Variants in PKDCC observed in about 807,000 individuals in gnomAD.
The protein encoded by PKDCC is protein kinase domain containing, cytoplasmic, also known as extracellular tyrosine-protein kinase PKDCC.
Under a neutral mutation model 44.7 loss-of-function variants are expected in PKDCC, and 35 were observed. The ratio of observed to expected loss-of-function variants is 0.78; its 90% confidence interval spans 0.60 to 1.04. The LOEUF (loss-of-function observed/expected upper bound fraction) is 1.04. PKDCC is among the 50% of genes least tolerant of loss of function. The probability of loss-of-function intolerance (pLI) is 0.00; values close to 1 mark genes in which losing one functional copy is unlikely to be tolerated. For synonymous variants in PKDCC, 353 were observed against 303.3 expected (o/e 1.16, Z -1.70); for missense variants, 738 against 672.7 (o/e 1.10, Z -1.07).
At chr2:42,056,900 C>T (rs80111183) in intron 5 of PKDCC, among the ~76,000 whole-genome samples, 2,532 of 152,340 alleles carry the variant, frequency 0.017, 32 homozygotes, top group Non-Finnish European at 0.025. Context: ...TTAGCCTAGA[C>T]AGCTGGGACT....
At position 42,048,431 on chromosome 2, in the gene PKDCC, G is replaced by C. The variant is rs1184795406; in HGVS notation, c.232G>C (p.Gly78Arg). ...CTATTCCCGCGGGGGCCCCGGGCCC[G>C]GGGCGGGCCGGCCGGAGCGGCGGCG... The part of the protein sequence containing the change: ...QRYSRGGPGP[G>R]AGRPERRRLM... Residue 78 changes from glycine (G) to arginine (R), a missense_variant, in exon 1 of 7, where the codon GGG becomes CGG. By Grantham distance (125) the Gly-to-Arg change is moderately radical (BLOSUM62 -2). Transcript: ENST00000294964. The surrounding 1 kb of genome is among the most constrained non-coding windows in gnomAD (Gnocchi z 6.2). The C allele has an allele frequency of 7.1e-6, 8 of 1,120,816 alleles. No individual in the cohort carries two copies. Among genetic ancestry groups the C allele is most frequent in the South Asian group, 3.8e-5 (1 of 26,138 alleles). The allele number at this position is 1,120,816 out of a possible 1,614,324, so 69.4% of individuals were successfully genotyped here.
At chr2:42,053,585 C>A (rs552799618) in intron 2 of PKDCC, 2 of 601,806 alleles carry the variant, frequency 3.3e-6, no homozygotes, top group South Asian at 4.5e-5. Flanking sequence ...TCCTTGTGCG[C>A]GTGTACACAC....
In PKDCC at chr2:42,053,238, G is replaced by T. The variant is rs760509862; in HGVS notation, c.640-1G>T. 1.5e-6 allele frequency: 2 copies of T among 1,347,802 alleles called. No homozygotes were observed. The highest frequency in any genetic ancestry group is 2.3e-5 in the South Asian group (2 of 85,442). The allele number at this position is 1,347,802 out of a possible 1,614,324, so 83.5% of individuals were successfully genotyped here. A position where few individuals can be genotyped will look rare whatever the true frequency, so the allele number is the denominator to read the frequency against. ...AATGACCTGCCCTCGGCTTTCCCCA[G>T]CTCTATGGCTACTGCTACCAGGACA... On this transcript the variant is annotated splice_acceptor_variant, in intron 1 of 6. Coordinates refer to ENST00000294964, the MANE Select transcript of PKDCC (RefSeq NM_138370.3). LOFTEE classifies it high-confidence loss of function.
chr2:42,049,687 CCCCCA>C (rs1427238291), intron 1 of PKDCC, among the ~76,000 whole-genome samples: 11 of 152,142 alleles, frequency 7.2e-5, no homozygotes, highest in African/African-American at 2.7e-4. Flanking sequence ...AGAGCTGAAA[CCCCCA>C]CCTTGTCCCC....
In PKDCC at chr2:42,057,597, C is replaced by T. The variant is rs1488418441; in HGVS notation, c.1397-6C>T. The T allele has an allele frequency of 4.3e-6, 7 of 1,613,208 alleles. No homozygotes were observed. Among genetic ancestry groups the T allele is most frequent in the Admixed American group, 3.3e-5 (2 of 59,936 alleles). ...AGCCCTGTTACCTCTCACCTCTGCC[C>T]CCCAGGTCGGCAGCTGGTCTTTTTC... On this transcript the variant is annotated splice_region_variant and splice_polypyrimidine_tract_variant and intron_variant, in intron 6 of 6. Transcript: ENST00000294964.
In PKDCC at chr2:42,055,284, A is replaced by C; in HGVS notation, c.1115-2A>C. Reference sequence around the variant, plus strand: ...CTGTCTTAGCCACACTGCACTCTGCAGGAGAGCTCGCCTGGGGGGTGGACG... The same window carrying C: ...CTGTCTTAGCCACACTGCACTCTGCCGGAGAGCTCGCCTGGGGGGTGGACG... On this transcript the variant is annotated splice_acceptor_variant, in intron 4 of 6. Transcript: ENST00000294964. LOFTEE classifies it high-confidence loss of function. This position sits in a 1 kb window ranked among gnomAD's most constrained non-coding sequence, Gnocchi z 4.5. The C allele has an allele frequency of 1.2e-6, 2 of 1,612,178 alleles. No individual in the cohort carries two copies. The highest frequency in any genetic ancestry group is 1.7e-6 in the Non-Finnish European group (2 of 1,179,598).
rs532952644 is a variant in PKDCC, at chr2:42,054,339, C to T, written c.1034+32C>T. Reference sequence around the variant, plus strand: ...TCCACCCCTGACTCGGGAACTCCATCGAAGGAGAATGGGCCAGGAGGGCAT... The same window carrying T: ...TCCACCCCTGACTCGGGAACTCCATTGAAGGAGAATGGGCCAGGAGGGCAT... On this transcript the variant is annotated intron_variant, in intron 3 of 6. Coordinates refer to ENST00000294964, the MANE Select transcript of PKDCC (RefSeq NM_138370.3). This position sits in a 1 kb window ranked among gnomAD's most constrained non-coding sequence, Gnocchi z 6.1. The T allele has an allele frequency of 3.2e-5, 51 of 1,571,124 alleles. No individual in the cohort carries two copies. Among genetic ancestry groups the T allele is most frequent in the Middle Eastern group, 1.9e-4 (1 of 5,284 alleles).
chr2:42,054,493 G>A lies in PKDCC; in HGVS notation c.1034+186G>A, dbSNP rs551716458. Reference sequence around the variant, plus strand: ...CTGATGGAGAGGCTAAAAATAGACAGCTCCAAGGAGAATCCGGGTTAGGGG... The same window carrying A: ...CTGATGGAGAGGCTAAAAATAGACAACTCCAAGGAGAATCCGGGTTAGGGG... On this transcript the variant is annotated intron_variant, in intron 3 of 6. Coordinates refer to ENST00000294964, the MANE Select transcript of PKDCC (RefSeq NM_138370.3). This position sits in a 1 kb window ranked among gnomAD's most constrained non-coding sequence, Gnocchi z 6.1. 4.3e-6 allele frequency: 3 copies of A among 699,068 alleles called. No individual in the cohort carries two copies. The South Asian group carries it at 6.1e-5, about 14-fold the overall frequency. The allele number at this position is 699,068 out of a possible 1,614,324, so 43.3% of individuals were successfully genotyped here.
At position 42,051,722 on chromosome 2, in the gene PKDCC, G is replaced by C. The variant is rs1342317718; in HGVS notation, c.640-1517G>C. On this transcript the variant is annotated intron_variant, in intron 1 of 6. Coordinates refer to ENST00000294964, the MANE Select transcript of PKDCC (RefSeq NM_138370.3). This position sits in a 1 kb window ranked among gnomAD's most constrained non-coding sequence, Gnocchi z 4.2. ...GGGGAGGGGGTGGAGAGAGAAGAGG[G>C]TGCCTGGAGCTGCCCTGGCCCCCCA... Among the ~76,000 whole-genome samples the C allele has an allele frequency of 6.6e-6, 1 of 152,068 alleles. No homozygotes were observed. Among genetic ancestry groups the C allele is most frequent in the East Asian group, 1.9e-4 (1 of 5,170 alleles).
At chr2:42,057,500 G>C (rs1668077389) in intron 6 of PKDCC, 103 bp from the exon 7 acceptor site, 3 of 1,558,068 alleles carry the variant, frequency 1.9e-6, no homozygotes, top group Middle Eastern at 1.7e-4. Context: ...GAGGTGATGA[G>C]AGAGAGGTAT....
chr2:42,057,537 G>T, intron 6 of PKDCC, 66 bp from the exon 7 acceptor site: 1 of 1,576,042 alleles, frequency 6.3e-7, no homozygotes, highest in South Asian at 1.1e-5. Context: ...GTCAAATTAG[G>T]GAGAATGGTC....
In PKDCC at chr2:42,055,493, CCCTT is replaced by C; in HGVS notation, c.1222+101_1222+104del. ...AAGTGGCTCACCCTTTCTCTGGGGA[CCCTT>C]GTCTCCAAAGGCCACTGTAGGGGCT... is the stretch of plus-strand genomic sequence containing the variant. On this transcript the variant is annotated intron_variant, in intron 5 of 6. Transcript: ENST00000294964. This position sits in a 1 kb window ranked among gnomAD's most constrained non-coding sequence, Gnocchi z 4.5. The C allele has an allele frequency of 2.0e-6, 2 of 1,002,490 alleles. No individual in the cohort carries two copies. Among genetic ancestry groups the C allele is most frequent in the Non-Finnish European group, 1.5e-6 (1 of 668,240 alleles). 62.1% of individuals were successfully genotyped at this position (1,002,490 alleles called of 1,614,324 possible).
At position 42,054,867 on chromosome 2, in the gene PKDCC, C is replaced by T; in HGVS notation, c.1035-74C>T. 1 of 1,397,950 alleles carries T rather than the reference C, an allele frequency of 7.2e-7. No homozygotes were observed. The highest frequency in any genetic ancestry group is 1.7e-5 in the Admixed American group (1 of 59,620). 86.6% of individuals were successfully genotyped at this position (1,397,950 alleles called of 1,614,324 possible). A position where few individuals can be genotyped will look rare whatever the true frequency, so the allele number is the denominator to read the frequency against. ...GCTCCCTGGCCAGGTTAGCGTTCTG[C>T]CCCAGGTTGGAATAGAGGAAGGATG... On this transcript the variant is annotated intron_variant, in intron 3 of 6. Transcript: ENST00000294964. The surrounding 1 kb of genome is among the most constrained non-coding windows in gnomAD (Gnocchi z 6.1).
chr2:42,057,700 G>T lies in PKDCC; in HGVS notation c.*12G>T. ...AGGCCTCTGGCTGACCTATCTGAGG[G>T]CTCGGCTGACCAGCTGACTATCCTC... On this transcript the variant is annotated 3_prime_UTR_variant, in exon 7 of 7. Coordinates refer to ENST00000294964, the MANE Select transcript of PKDCC (RefSeq NM_138370.3). 1.2e-6 allele frequency: 2 copies of T among 1,612,006 alleles called. No individual in the cohort carries two copies. The highest frequency in any genetic ancestry group is 8.5e-7 in the Non-Finnish European group (1 of 1,178,820).
rs1177401027 is a variant in PKDCC, at chr2:42,057,665, A to G, written c.1459A>G (p.Thr487Ala). Residue 487 changes from threonine to alanine, a missense_variant, in exon 7 of 7, where the codon ACA becomes GCA. Thr to Ala is a moderately conservative substitution (Grantham distance 58). Coordinates refer to ENST00000294964, the MANE Select transcript of PKDCC (RefSeq NM_138370.3). ...AGTGGTCCCTGATCCCAACAAGACCACATATGTGAAGGCCTCTGGCTGACC... is the reference window on the plus strand; with the variant it reads ...AGTGGTCCCTGATCCCAACAAGACCGCATATGTGAAGGCCTCTGGCTGACC... ...SQVVPDPNKT[T>A]YVKASG is the part of the protein sequence containing the mutation. 1.2e-6 allele frequency: 2 copies of G among 1,613,908 alleles called. No individual in the cohort carries two copies. The highest frequency in any genetic ancestry group is 1.7e-5 in the Admixed American group (1 of 60,008).
chr2:42,054,328 G>A lies in PKDCC; in HGVS notation c.1034+21G>A, dbSNP rs368744317. ...TACAGGTGACCTCCACCCCTGACTC[G>A]GGAACTCCATCGAAGGAGAATGGGC... On this transcript the variant is annotated intron_variant, in intron 3 of 6. Coordinates refer to ENST00000294964, the MANE Select transcript of PKDCC (RefSeq NM_138370.3). The surrounding 1 kb of genome is among the most constrained non-coding windows in gnomAD (Gnocchi z 6.1). 15 of 1,583,128 alleles carry A rather than the reference G, an allele frequency of 9.5e-6. No homozygotes were observed. Among genetic ancestry groups the A allele is most frequent in the South Asian group, 9.1e-5 (8 of 87,454 alleles).
rs768587129 is a variant in PKDCC at position 42,053,311 on chromosome 2, C to T, written c.712C>T (p.Pro238Ser). The change falls in exon 2 of 7, where the codon CCT becomes TCT. Residue 238 changes from proline (P) to serine (S), a missense_variant. By Grantham distance (74) the Pro-to-Ser change is moderately conservative (BLOSUM62 -1). Transcript: ENST00000294964. ...TLTTITELGA[P>S]VEMIQLLQTS... ...GACCACCATCACGGAGCTGGGCGCC[C>T]CTGTAGAAATGATCCAGCTGCTGCA... is the stretch of plus-strand genomic sequence containing the variant. 11 of 1,613,776 alleles carry T rather than the reference C, an allele frequency of 6.8e-6. No homozygotes were observed. Among genetic ancestry groups the T allele is most frequent in the Non-Finnish European group, 9.3e-6 (11 of 1,179,936 alleles).
rs1668094140 is a variant in PKDCC at position 42,058,347 on chromosome 2, G to A, written c.*659G>A. 6.6e-6 allele frequency: 1 copy of A among 152,532 alleles called. No homozygotes were observed. Among genetic ancestry groups the A allele is most frequent in the Non-Finnish European group, 1.5e-5 (1 of 68,020 alleles). The allele number at this position is 152,532 out of a possible 1,614,324, so 9.4% of individuals were successfully genotyped here. On this transcript the variant is annotated 3_prime_UTR_variant, in exon 7 of 7. Transcript: ENST00000294964. The surrounding 1 kb of genome is among the most constrained non-coding windows in gnomAD (Gnocchi z 4.2). ...GACCTGGGGCGGGGGTGGGGCCGGG[G>A]CCTTTCTGCCTCATTTGCTTTCAAT... is the stretch of plus-strand genomic sequence containing the variant.
intron 5 of PKDCC, among the ~76,000 whole-genome samples, chr2:42,056,226 T>G (rs1668055225): frequency 6.6e-6 from 1 of 152,126 alleles, no homozygotes; most frequent in Non-Finnish European, 1.5e-5. Context: ...CCAGGGCTTC[T>G]GCATTATCAG....
Sources: allele counts gnomAD v4.1 joint callset (sites outside exome capture counted in the v4.1 genomes callset), GRCh38; gene constraint gnomAD v4.1.1; non-coding constraint Gnocchi (gnomAD v3.1); transcripts MANE v1.5; gene names NCBI Gene and HGNC (gene_info 2026-07-23, HGNC 2026-07-21).